Variants in MIPOL1 observed in about 807,000 individuals in gnomAD.
The protein encoded by MIPOL1 is mirror-image polydactyly gene 1 protein.
A neutral mutation model predicts 60.9 loss-of-function variants in MIPOL1; 57 were observed. That is an observed-to-expected ratio of 0.94 (90% CI 0.76 to 1.17). The LOEUF (loss-of-function observed/expected upper bound fraction) is 1.17, where lower values mean the gene tolerates loss of function less well. Among genes scored for constraint, MIPOL1 ranks in the 50% most tolerant of loss-of-function variants. The pLI is 0.00. For missense variants in MIPOL1, 551 were observed against 511.6 expected (o/e 1.08, Z -0.74); for synonymous variants, 179 against 168.8 (o/e 1.06, Z -0.47).
chr14:37,341,175 T>C (rs2090544789), intron 9 of MIPOL1, among the ~76,000 whole-genome samples: 1 of 152,122 alleles, frequency 6.6e-6, no homozygotes, highest in East Asian at 1.9e-4. Context: ...GTATCGTGAG[T>C]ATTAACCAAA....
intron 9 of MIPOL1, among the ~76,000 whole-genome samples, chr14:37,361,445 A>G: frequency 6.6e-6 from 1 of 152,018 alleles, no homozygotes; most frequent in Middle Eastern, 3.4e-3. Context: ...GTCTCCCATT[A>G]CTACTGTGTG....
chr14:37,354,009 T>G (rs1327540594), intron 9 of MIPOL1, among the ~76,000 whole-genome samples: 1 of 151,996 alleles, frequency 6.6e-6, no homozygotes, highest in Non-Finnish European at 1.5e-5. Context: ...AGGGTGTCAA[T>G]TTTGGATCTT....
intron 12 of MIPOL1, chr14:37,545,680 CA>C: frequency 1.5e-6 from 1 of 656,030 alleles, no homozygotes; most frequent in Non-Finnish European, 2.7e-6. Flanking sequence ...TTGATAGATA[CA>C]AAATCATCCA....
chr14:37,459,987 G>T (rs1190772026), intron 11 of MIPOL1, among the ~76,000 whole-genome samples: 1 of 152,110 alleles, frequency 6.6e-6, no homozygotes, highest in African/African-American at 2.4e-5. Flanking sequence ...GCTGAGGCAA[G>T]AGAATTGCTT....
Position 37,321,675 on chromosome 14 carries a change from A to G in MIPOL1, c.828+13156A>G, listed in dbSNP as rs2088590424. ...GTGTCAGTTATCAAGAGAGATGTTT[A>G]AAGTATTCAATGATTATGATTAATT... On this transcript the variant is annotated intron_variant, in intron 9 of 12. Transcript: ENST00000684589. 2.0e-5 allele frequency among the ~76,000 whole-genome samples: 3 copies of G among 151,974 alleles called. No homozygotes were observed. The South Asian group carries it at 6.2e-4, about 31-fold the overall frequency.
At chr14:37,239,715 C>T (rs1362167677) in intron 1 of MIPOL1, among the ~76,000 whole-genome samples, 1 of 152,096 alleles carries the variant, frequency 6.6e-6, no homozygotes, top group Non-Finnish European at 1.5e-5. Context: ...ATTTTTACTA[C>T]ATGCTTTTCA....
At chr14:37,351,052 TCC>T (rs1339072654) in intron 9 of MIPOL1, among the ~76,000 whole-genome samples, 14 of 20,042 alleles carry the variant, frequency 7.0e-4, no homozygotes, top group Non-Finnish European at 8.6e-4. Context: ...ATGCTATCCC[TCC>T]CCCCTCCCCC....
At position 37,451,808 on chromosome 14, in the gene MIPOL1, C is replaced by CTTTTTTTTTTTTTTTTTTT. The variant is rs535978128; in HGVS notation, c.1031+28865_1031+28883dup. On this transcript the variant is annotated intron_variant, in intron 11 of 12. Coordinates refer to ENST00000684589, the MANE Select transcript of MIPOL1 (RefSeq NM_001388067.1). ...CTTAAGGTTCTTTTGTTTATTCTCT[C>CTTTTTTTTTTTTTTTTTTT]TTTTTTTTTTTTTTTTTTTTTTTTG... Among the ~76,000 whole-genome samples the CTTTTTTTTTTTTTTTTTTT allele has an allele frequency of 3.2e-4, 27 of 84,570 alleles. 2 individuals are homozygous for CTTTTTTTTTTTTTTTTTTT. Among genetic ancestry groups the CTTTTTTTTTTTTTTTTTTT allele is most frequent in the African/African-American group, 1.5e-3 (24 of 15,754 alleles). 55.5% of individuals were successfully genotyped at this position (84,570 alleles called of 152,430 possible). A position where few individuals can be genotyped will look rare whatever the true frequency, so the allele number is the denominator to read the frequency against.
At chr14:37,451,435 A>G (rs576545175) in intron 11 of MIPOL1, among the ~76,000 whole-genome samples, 51 of 152,322 alleles carry the variant, frequency 3.3e-4, no homozygotes, top group African/African-American at 1.1e-3. Context: ...CAAATATGAT[A>G]AGGCTTTTTT....
intron 6 of MIPOL1, among the ~76,000 whole-genome samples, chr14:37,275,758 A>G (rs2083610883): frequency 6.6e-6 from 1 of 150,986 alleles, no homozygotes; most frequent in South Asian, 2.1e-4. Context: ...TTATTTTTCT[A>G]TTTCTTAAAA....
intron 9 of MIPOL1, among the ~76,000 whole-genome samples, chr14:37,314,145 T>C (rs1011264014): frequency 6.6e-6 from 1 of 152,220 alleles, no homozygotes; most frequent in Non-Finnish European, 1.5e-5. Flanking sequence ...TTCTAAGATA[T>C]TTATATTGCT....
chr14:37,448,747 A>G (rs2094374888), intron 11 of MIPOL1, among the ~76,000 whole-genome samples: 1 of 152,210 alleles, frequency 6.6e-6, no homozygotes, highest in African/African-American at 2.4e-5. Flanking sequence ...TAAAGATCTT[A>G]GAGAACTAAA....
chr14:37,530,049 A>C (rs1258595948), intron 12 of MIPOL1, among the ~76,000 whole-genome samples: 1 of 152,238 alleles, frequency 6.6e-6, no homozygotes, highest in Non-Finnish European at 1.5e-5. Context: ...TAAGAGTACC[A>C]GCTAAGAAGT....
intron 2 of MIPOL1, among the ~76,000 whole-genome samples, chr14:37,247,495 CAAAT>C (rs1004263681): frequency 4.0e-4 from 60 of 151,664 alleles, no homozygotes; most frequent in African/African-American, 1.2e-3. Flanking sequence ...AAATTTATGA[CAAAT>C]AAAGTAAAAA....
At chr14:37,398,526 C>G (rs2093421253) in intron 10 of MIPOL1, among the ~76,000 whole-genome samples, 1 of 152,166 alleles carries the variant, frequency 6.6e-6, no homozygotes. Context: ...CCAGGCCAAC[C>G]TTTTCGTATC....
chr14:37,203,647 C>T (rs1285791686), intron 1 of MIPOL1, among the ~76,000 whole-genome samples: 1 of 152,098 alleles, frequency 6.6e-6, no homozygotes, highest in Non-Finnish European at 1.5e-5. Flanking sequence ...TGCTGGCACT[C>T]TGTTGCTCAC....
At chr14:37,448,347 A>G (rs1373335306) in intron 11 of MIPOL1, among the ~76,000 whole-genome samples, 3 of 152,208 alleles carry the variant, frequency 2.0e-5, no homozygotes, top group Admixed American at 1.3e-4. Flanking sequence ...ACGTGAATCA[A>G]CATGTCCTGT....
chr14:37,309,823 A>G (rs1008368216), intron 9 of MIPOL1, among the ~76,000 whole-genome samples: 1 of 151,528 alleles, frequency 6.6e-6, no homozygotes, highest in East Asian at 1.9e-4. Context: ...AGTAGCTGGG[A>G]CTACAGGTGT....
chr14:37,271,129 C>A (rs755674139), intron 6 of MIPOL1, among the ~76,000 whole-genome samples: 10 of 151,910 alleles, frequency 6.6e-5, no homozygotes, highest in Middle Eastern at 3.2e-3. Context: ...TCTTTGCAAG[C>A]AGAAATTTTT....
Sources: allele counts gnomAD v4.1 joint callset (sites outside exome capture counted in the v4.1 genomes callset), GRCh38; gene constraint gnomAD v4.1.1; transcripts MANE v1.5; gene names NCBI Gene and HGNC (gene_info 2026-07-23, HGNC 2026-07-21).